The following CTNNA2 variants were observed in gnomAD, a reference collection of about 807,000 sequenced individuals.
The protein encoded by CTNNA2 is catenin alpha 2.
In CTNNA2, 42 loss-of-function variants were observed where a neutral mutation model predicts 101.0. That is an observed-to-expected ratio of 0.42 (90% CI 0.32 to 0.54). CTNNA2 has a LOEUF of 0.54. Ranked by LOEUF, CTNNA2 falls within the 20% of genes least tolerant of loss-of-function variation. The pLI, the probability that CTNNA2 is intolerant of heterozygous loss-of-function variation, is 0.14. For synonymous variants in CTNNA2, 450 were observed against 456.4 expected (o/e 0.99, Z 0.18); for missense variants, 871 against 1,223.1 (o/e 0.71, Z 4.29).
At chr2:80,488,879 A>G (rs1686806151) in intron 9 of CTNNA2, among the ~76,000 whole-genome samples, 1 of 152,018 alleles carries the variant, frequency 6.6e-6, no homozygotes, top group Admixed American at 6.6e-5. Context: ...ATTCACCATC[A>G]CTCTCTCATA....
chr2:79,736,657 A>C (rs58424496), intron 2 of CTNNA2, among the ~76,000 whole-genome samples: 21,445 of 152,070 alleles, frequency 0.14, 2,396 homozygotes, highest in African/African-American at 0.31. Flanking sequence ...TTCTATTTTA[A>C]TTTTTACTTG....
rs1675084412 is a variant in CTNNA2 at position 79,271,573 on chromosome 2, T to C, written c.-405-41136T>C. ...AGGCAGGCAGCTGGAGACAGTCTTTTTGATCTCTGGCTGTCTGAGTAGAGG... is the reference window on the plus strand; with the variant it reads ...AGGCAGGCAGCTGGAGACAGTCTTTCTGATCTCTGGCTGTCTGAGTAGAGG... On this transcript the variant is annotated intron_variant, in intron 2 of 21. Coordinates refer to the CTNNA2 transcript ENST00000466387. 2.0e-5 allele frequency among the ~76,000 whole-genome samples: 3 copies of C among 152,020 alleles called. No individual in the cohort carries two copies. In the South Asian group the frequency reaches 6.2e-4, roughly 32 times the overall value.
At chr2:80,176,229 A>G (rs1292592366) in intron 7 of CTNNA2, among the ~76,000 whole-genome samples, 1 of 152,256 alleles carries the variant, frequency 6.6e-6, no homozygotes, top group African/African-American at 2.4e-5. Flanking sequence ...TATGCCTAAC[A>G]TAATATAGCT....
intron 4 of CTNNA2, among the ~76,000 whole-genome samples, chr2:79,469,906 T>C (rs1019709182): frequency 6.6e-6 from 1 of 152,104 alleles, no homozygotes; most frequent in Non-Finnish European, 1.5e-5. Context: ...ATTTATGACA[T>C]ACCCACAGCC....
intron 7 of CTNNA2, among the ~76,000 whole-genome samples, chr2:80,392,319 T>C (rs1677591300): frequency 6.6e-6 from 1 of 152,228 alleles, no homozygotes; most frequent in African/African-American, 2.4e-5. Context: ...TCTGTAGCGT[T>C]TGACTAAAAT....
chr2:79,850,323 A>T (rs1205563555), intron 3 of CTNNA2, among the ~76,000 whole-genome samples: 1 of 39,078 alleles, frequency 2.6e-5, no homozygotes. Context: ...TTCTTCCTTC[A>T]TCCCTCCCTC....
chr2:80,156,104 A>G (rs975305357), intron 7 of CTNNA2, among the ~76,000 whole-genome samples: 8 of 152,160 alleles, frequency 5.3e-5, no homozygotes, highest in African/African-American at 1.9e-4. Flanking sequence ...CCTGGATCAC[A>G]TTTTGAGTTA....
intron 2 of CTNNA2, among the ~76,000 whole-genome samples, chr2:79,689,329 T>C (rs1371613762): frequency 1.3e-5 from 2 of 151,956 alleles, no homozygotes; most frequent in Non-Finnish European, 2.9e-5. Flanking sequence ...AGATTATCGT[T>C]GGAAAATAGA....
rs545133385 is a variant in CTNNA2 at position 79,340,681 on chromosome 2, A to C, written c.-318+27885A>C. Among the ~76,000 whole-genome samples, 654 of 152,018 alleles carry C rather than the reference A, an allele frequency of 4.3e-3. 7 individuals carry two copies. The highest frequency in any genetic ancestry group is 0.014 in the African/African-American group (585 of 41,462). Reference sequence around the variant, plus strand: ...ACCCTGTCTCTACTAAAAATACAAAAATTTAGCCAGGCGTGGGTTGCAGGC... The same window carrying C: ...ACCCTGTCTCTACTAAAAATACAAACATTTAGCCAGGCGTGGGTTGCAGGC... On this transcript the variant is annotated intron_variant, in intron 3 of 21. Transcript: ENST00000466387.
chr2:79,862,957 G>T (rs1183356298), intron 4 of CTNNA2, among the ~76,000 whole-genome samples: 1 of 152,128 alleles, frequency 6.6e-6, no homozygotes, highest in African/African-American at 2.4e-5. Context: ...CTTGATCAAG[G>T]TGCAAAAGCA....
At chr2:80,409,968 T>C (rs1679419418) in intron 8 of CTNNA2, among the ~76,000 whole-genome samples, 1 of 152,208 alleles carries the variant, frequency 6.6e-6, no homozygotes, top group African/African-American at 2.4e-5. Flanking sequence ...ATTGCAGAGG[T>C]GTTTTTCATT....
At chr2:80,455,358 G>C (rs75418911) in intron 9 of CTNNA2, among the ~76,000 whole-genome samples, 1 of 152,164 alleles carries the variant, frequency 6.6e-6, no homozygotes, top group Non-Finnish European at 1.5e-5. Context: ...TTGTATAAAG[G>C]TCATCTCTCT....
intron 7 of CTNNA2, among the ~76,000 whole-genome samples, chr2:80,189,224 G>A (rs1254120960): frequency 1.3e-5 from 2 of 152,270 alleles, no homozygotes; most frequent in African/African-American, 2.4e-5. Context: ...AAAGTGCTGG[G>A]ATTACAGGCA....
chr2:79,660,543 G>T (rs1252577105), intron 2 of CTNNA2, among the ~76,000 whole-genome samples: 1 of 151,930 alleles, frequency 6.6e-6, no homozygotes, highest in East Asian at 1.9e-4. Context: ...TTCTTAAGTT[G>T]CTATGTTTTT....
intron 4 of CTNNA2, among the ~76,000 whole-genome samples, chr2:79,444,915 T>G (rs1012453248): frequency 2.0e-5 from 3 of 152,134 alleles, no homozygotes; most frequent in African/African-American, 4.8e-5. Context: ...CAGAATGAAT[T>G]AATTTGCTGA....
chr2:80,065,754 T>C (rs1415222152), intron 7 of CTNNA2, among the ~76,000 whole-genome samples: 1 of 152,160 alleles, frequency 6.6e-6, no homozygotes, highest in African/African-American at 2.4e-5. Flanking sequence ...ATGCACATTG[T>C]AAAAGCTCAC....
At chr2:79,717,242 G>T (rs995210623) in intron 2 of CTNNA2, among the ~76,000 whole-genome samples, 1 of 152,106 alleles carries the variant, frequency 6.6e-6, no homozygotes, top group African/African-American at 2.4e-5. Context: ...TTCATTGGAT[G>T]GAAAGAAACT....
intron 4 of CTNNA2, among the ~76,000 whole-genome samples, chr2:79,504,482 C>G (rs1671369718): frequency 6.6e-6 from 1 of 151,914 alleles, no homozygotes; most frequent in Admixed American, 6.6e-5. Context: ...TAGAGACGGG[C>G]TTTCACCATA....
At chr2:79,500,255 C>T (rs1671304645) in intron 4 of CTNNA2, among the ~76,000 whole-genome samples, 2 of 152,118 alleles carry the variant, frequency 1.3e-5, no homozygotes, top group African/African-American at 2.4e-5. Context: ...TTTTACTTCA[C>T]TTCATAGCTT....
Sources: gnomAD v4.1 joint callset for allele counts (sites outside exome capture counted in the v4.1 genomes callset) on GRCh38, gnomAD v4.1.1 for gene constraint, MANE v1.5 for transcripts, NCBI Gene and HGNC (gene_info 2026-07-23, HGNC 2026-07-21) for gene names.